Variants in KALRN observed in about 807,000 individuals in gnomAD.
KALRN encodes kalirin RhoGEF kinase, also known as kalirin.
KALRN carries 70 observed loss-of-function variants against 353.7 expected under a neutral mutation model. That is an observed-to-expected ratio of 0.20 (90% confidence interval 0.16 to 0.24). The LOEUF is 0.24. Ranked by LOEUF, KALRN falls within the 10% of genes least tolerant of loss-of-function variation. The pLI is 1.00. For missense variants in KALRN, 2,791 were observed against 3,756.7 expected (o/e 0.74, Z 6.72); for synonymous variants, 1,391 against 1,434.8 (o/e 0.97, Z 0.69).
chr3:124,178,802 A>C (rs1156654706), intron 1 of KALRN, among the ~76,000 whole-genome samples: 3 of 152,178 alleles, frequency 2.0e-5, no homozygotes, highest in African/African-American at 7.2e-5. Context: ...GGCTACATTA[A>C]ATTTATTTAA....
At chr3:124,706,671 G>A (rs2062631403) in intron 57 of KALRN, among the ~76,000 whole-genome samples, 1 of 151,792 alleles carries the variant, frequency 6.6e-6, no homozygotes, top group East Asian at 1.9e-4. Context: ...CCAGGTTCAA[G>A]CGATTCTCCT....
chr3:124,709,757 A>G (rs1241243086), intron 57 of KALRN, among the ~76,000 whole-genome samples: 1 of 152,252 alleles, frequency 6.6e-6, no homozygotes, highest in Non-Finnish European at 1.5e-5. Context: ...AACAGAGAAG[A>G]AGGAATTGTT....
intron 1 of KALRN, among the ~76,000 whole-genome samples, chr3:124,087,818 C>A (rs1296139573): frequency 6.6e-6 from 1 of 152,106 alleles, no homozygotes; most frequent in Non-Finnish European, 1.5e-5. Context: ...AACAAAGCAG[C>A]TAGATGCCAA....
intron 1 of KALRN, among the ~76,000 whole-genome samples, chr3:124,138,984 A>T (rs2066286836): frequency 6.6e-6 from 1 of 152,208 alleles, no homozygotes; most frequent in South Asian, 2.1e-4. Flanking sequence ...GGCCACAGAA[A>T]AAGCTCACTG....
chr3:124,551,289 T>A (rs534922292), intron 33 of KALRN, among the ~76,000 whole-genome samples: 33 of 152,232 alleles, frequency 2.2e-4, no homozygotes, highest in Admixed American at 2.0e-3. Flanking sequence ...GGGTCATAGA[T>A]AAAGGCCTGT....
intron 10 of KALRN, among the ~76,000 whole-genome samples, chr3:124,383,465 T>A (rs184436837): frequency 7.4e-4 from 112 of 152,340 alleles, no homozygotes; most frequent in Non-Finnish European, 2.4e-4. Flanking sequence ...TTTTCTCAAC[T>A]TTTAGTAGTT....
rs758117998 is a variant in KALRN at position 124,491,444 on chromosome 3, A to T, written c.4689+20A>T. ...CTGAAAGTAAGTACTGCTCTCTGCT[A>T]GGCACAAACTAGGGTTGGGGATAAT... is the stretch of plus-strand genomic sequence containing the variant. On this transcript the variant is annotated intron_variant, in intron 31 of 59. Coordinates refer to ENST00000682506, the MANE Select transcript of KALRN (RefSeq NM_001388419.1). 16 of 1,539,972 alleles carry T rather than the reference A, an allele frequency of 1.0e-5. No homozygotes were observed. The highest frequency in any genetic ancestry group is 1.4e-5 in the Non-Finnish European group (16 of 1,132,130).
At chr3:124,530,028 A>G (rs2067911398) in intron 33 of KALRN, among the ~76,000 whole-genome samples, 1 of 152,118 alleles carries the variant, frequency 6.6e-6, no homozygotes, top group Non-Finnish European at 1.5e-5. Context: ...CTCATTCAAC[A>G]TTCCTGAAGC....
At position 124,490,739 on chromosome 3, in the gene KALRN, A is replaced by G; in HGVS notation, c.4442A>G (p.Asp1481Gly). 1 of 1,613,744 alleles carries G rather than the reference A, an allele frequency of 6.2e-7. No individual in the cohort carries two copies. Among genetic ancestry groups the G allele is most frequent in the Non-Finnish European group, 8.5e-7 (1 of 1,179,832 alleles). The change falls in exon 30 of 60, where the codon GAT (aspartate) becomes GGT (glycine). Residue 1481 changes from aspartate (D) to glycine (G), a missense_variant. Physicochemically the swap from Asp to Gly is moderately conservative, Grantham distance 94. This residue lies in a region of KALRN where 239 missense variants were observed against 351.3 expected (regional missense o/e 0.68). Coordinates refer to ENST00000682506, the MANE Select transcript of KALRN (RefSeq NM_001388419.1). ...LDVQGELILQ[D>G]AFQVWDPKSL... ...GTGCAGGGGGAGTTGATTCTCCAGGATGCCTTTCAAGTGTGGGACCCGAAG... is the reference window on the plus strand; with the variant it reads ...GTGCAGGGGGAGTTGATTCTCCAGGGTGCCTTTCAAGTGTGGGACCCGAAG...
chr3:124,064,589 C>T (rs1441910400), intron 1 of KALRN, among the ~76,000 whole-genome samples: 1 of 152,190 alleles, frequency 6.6e-6, no homozygotes, highest in Non-Finnish European at 1.5e-5. Context: ...ACCGCACACA[C>T]TGCCCACCTA....
intron 5 of KALRN, among the ~76,000 whole-genome samples, 174 bp downstream of exon 5, chr3:124,269,429 G>A (rs2073916655): frequency 6.6e-6 from 1 of 152,118 alleles, no homozygotes; most frequent in Non-Finnish European, 1.5e-5. Context: ...TGTATTATGT[G>A]CCCAGTATTG....
chr3:124,501,474 G>T (rs1381119821), intron 33 of KALRN, among the ~76,000 whole-genome samples: 2 of 152,210 alleles, frequency 1.3e-5, no homozygotes, highest in African/African-American at 4.8e-5. Flanking sequence ...TGGGAAGGAA[G>T]GCTTGGGTAG....
At chr3:124,460,995 C>T (rs1049909171) in intron 23 of KALRN, among the ~76,000 whole-genome samples, 6 of 152,138 alleles carry the variant, frequency 3.9e-5, no homozygotes, top group African/African-American at 1.4e-4. Context: ...TCTACACATC[C>T]GTTTATGCTG....
Position 124,593,621 on chromosome 3 carries a change from CA to C in KALRN, c.5182+30536del, listed in dbSNP as rs1201432570. Among the ~76,000 whole-genome samples the C allele has an allele frequency of 2.0e-5, 3 of 152,146 alleles. No homozygotes were observed. In the East Asian group the frequency reaches 5.8e-4, roughly 29 times the overall value. ...ACCTGCCTCCTCTCCCCAGCTCCAG[CA>C]AAACATTCCATAATGGAAGGCTCCC... On this transcript the variant is annotated intron_variant, in intron 34 of 59. Transcript: ENST00000682506.
At chr3:124,245,542 TA>T (rs113085317) in intron 3 of KALRN, among the ~76,000 whole-genome samples, 37,716 of 151,892 alleles carry the variant, frequency 0.25, 5,549 homozygotes, top group African/African-American at 0.41. Context: ...ATTTTATATT[TA>T]TTTTTTTGAG....
At chr3:124,366,902 C>A (rs2084829757) in intron 10 of KALRN, among the ~76,000 whole-genome samples, 1 of 130,620 alleles carries the variant, frequency 7.7e-6, no homozygotes, top group Non-Finnish European at 1.6e-5. Context: ...CCACCTCCCT[C>A]CCGGATGGGG....
intron 10 of KALRN, among the ~76,000 whole-genome samples, chr3:124,361,973 T>C (rs1478292424): frequency 1.3e-5 from 2 of 152,084 alleles, no homozygotes; most frequent in African/African-American, 4.8e-5. Flanking sequence ...CCAGGTGTGA[T>C]TTGAGGTGGG....
chr3:124,146,625 C>T (rs551490171), intron 1 of KALRN, among the ~76,000 whole-genome samples: 2 of 152,020 alleles, frequency 1.3e-5, no homozygotes, highest in Non-Finnish European at 2.9e-5. Flanking sequence ...CGCCTGTAAT[C>T]CCAGCACTTT....
chr3:124,361,008 T>C (rs1009588668), intron 10 of KALRN, among the ~76,000 whole-genome samples: 19 of 152,258 alleles, frequency 1.2e-4, no homozygotes, highest in Non-Finnish European at 4.4e-5. Context: ...ATAACTATCA[T>C]TTATTGAAGG....
Sources: allele counts gnomAD v4.1 joint callset (sites outside exome capture counted in the v4.1 genomes callset), GRCh38; gene constraint gnomAD v4.1.1; regional missense constraint gnomAD v4.1.1; transcripts MANE v1.5; gene names NCBI Gene and HGNC (gene_info 2026-07-23, HGNC 2026-07-21).